The following NELL2 variants were observed in gnomAD, a reference collection of about 807,000 sequenced individuals.
The protein encoded by NELL2 is neural EGFL like 2, also known as protein kinase C-binding protein NELL2.
NELL2 carries 41 observed loss-of-function variants against 109.6 expected under a neutral mutation model. That is an observed-to-expected ratio of 0.37 (90% CI 0.29 to 0.49). The LOEUF (loss-of-function observed/expected upper bound fraction) is 0.49. NELL2 is among the 20% of genes least tolerant of loss of function. The probability of loss-of-function intolerance (pLI) is 0.98; values close to 1 mark genes in which losing one functional copy is unlikely to be tolerated. For missense variants in NELL2, 900 were observed against 1,008.3 expected, an observed-to-expected ratio of 0.89 and a Z score of 1.45; for synonymous variants, 355 against 344.7, an observed-to-expected ratio of 1.03 and a Z score of -0.33.
At chr12:44,741,627 G>C (rs1939970517) in intron 9 of NELL2, among the ~76,000 whole-genome samples, 1 of 152,206 alleles carries the variant, frequency 6.6e-6, no homozygotes, top group Non-Finnish European at 1.5e-5. Context: ...TTTCCAACAG[G>C]CTTAAAAAAT....
At chr12:44,902,099 G>A (rs1023857478) in intron 1 of NELL2, among the ~76,000 whole-genome samples, 2 of 152,172 alleles carry the variant, frequency 1.3e-5, no homozygotes, top group Non-Finnish European at 2.9e-5. Context: ...TAGGAAGACA[G>A]GAAGTCAAAT....
intron 12 of NELL2, among the ~76,000 whole-genome samples, chr12:44,702,901 G>C (rs61932408): frequency 6.6e-6 from 1 of 152,170 alleles, no homozygotes; most frequent in South Asian, 2.1e-4. Flanking sequence ...GAAGCTGTGT[G>C]TTTATACCTG....
At chr12:44,737,121 A>T (rs1001841895) in intron 9 of NELL2, among the ~76,000 whole-genome samples, 1 of 152,076 alleles carries the variant, frequency 6.6e-6, no homozygotes, top group Non-Finnish European at 1.5e-5. Context: ...ATTCAAAATA[A>T]ATACCACATA....
chr12:44,607,317 A>G (rs1165841573), intron 14 of NELL2, 53 bp from the exon 15 acceptor site: 26 of 1,414,514 alleles, frequency 1.8e-5, no homozygotes, highest in Non-Finnish European at 2.4e-5. Flanking sequence ...GTAGTTTAAT[A>G]AACTCCAAAC....
intron 3 of NELL2, among the ~76,000 whole-genome samples, chr12:44,791,470 G>C (rs2136631428): frequency 6.6e-6 from 1 of 151,464 alleles, no homozygotes; most frequent in East Asian, 2.0e-4. Context: ...TATAAATAGA[G>C]TACAGTGTAT....
chr12:44,718,006 T>A lies in NELL2; in HGVS notation c.995-3265A>T, dbSNP rs556091584. Among the ~76,000 whole-genome samples the A allele has an allele frequency of 8.5e-5, 13 of 152,212 alleles. 1 individual carries two copies. The South Asian group carries it at 2.7e-3, about 32-fold the overall frequency. ...TAATTCACTATAAGCCATTAAGAGG[T>A]CTAGTTTACCAGGATAGCTTGCTCA... On this transcript the variant is annotated intron_variant, in intron 9 of 19. Coordinates refer to ENST00000429094, the MANE Select transcript of NELL2 (RefSeq NM_001145108.2).
chr12:44,793,565 A>G (rs576515123), intron 3 of NELL2, among the ~76,000 whole-genome samples: 157 of 152,320 alleles, frequency 1.0e-3, no homozygotes, highest in Non-Finnish European at 2.0e-3. Context: ...GCCTTTAGTA[A>G]CAGTGATGGT....
chr12:44,736,251 C>T lies in NELL2; in HGVS notation c.995-21510G>A, dbSNP rs1043233535. On this transcript the variant is annotated intron_variant, in intron 9 of 19. Transcript: ENST00000429094. ...GTCTCAATCTCCTGACCTCGTGATC[C>T]GCCCGTCTCGGCCTCCCAAAGTGCT... Among the ~76,000 whole-genome samples, 22 of 151,852 alleles carry T rather than the reference C, an allele frequency of 1.4e-4. No homozygotes were observed. The East Asian group carries it at 1.6e-3, about 11-fold the overall frequency.
At chr12:44,629,132 A>G (rs556853413) in intron 13 of NELL2, among the ~76,000 whole-genome samples, 1 of 152,316 alleles carries the variant, frequency 6.6e-6, no homozygotes, top group South Asian at 2.1e-4. Context: ...TATGGGTGAG[A>G]ATCATTTCAA....
intron 9 of NELL2, among the ~76,000 whole-genome samples, chr12:44,718,724 A>G (rs1420092906): frequency 6.6e-6 from 1 of 152,232 alleles, no homozygotes; most frequent in Non-Finnish European, 1.5e-5. Context: ...ATTTATTCAT[A>G]CAGGCTTATC....
At chr12:44,603,714 T>A (rs189776908) in intron 15 of NELL2, among the ~76,000 whole-genome samples, 1 of 152,226 alleles carries the variant, frequency 6.6e-6, no homozygotes, top group African/African-American at 2.4e-5. Context: ...ATCATACACA[T>A]CGCCCTTTTG....
At chr12:44,898,412 G>A (rs903756845) in intron 1 of NELL2, among the ~76,000 whole-genome samples, 1 of 152,176 alleles carries the variant, frequency 6.6e-6, no homozygotes, top group Non-Finnish European at 1.5e-5. Context: ...GGAAGGAGCA[G>A]GCAGCAAACT....
intron 3 of NELL2, among the ~76,000 whole-genome samples, chr12:44,781,415 C>T (rs1272765675): frequency 6.6e-6 from 1 of 151,882 alleles, no homozygotes; most frequent in African/African-American, 2.4e-5. Flanking sequence ...AAAGATCTAA[C>T]ATTTGTATCA....
intron 12 of NELL2, among the ~76,000 whole-genome samples, chr12:44,673,747 T>G (rs1029194088): frequency 1.8e-4 from 27 of 152,206 alleles, no homozygotes; most frequent in African/African-American, 6.5e-4. Context: ...CCTTCTATAT[T>G]TGAAGCCAGC....
chr12:44,695,866 C>T (rs1040585276), intron 12 of NELL2, among the ~76,000 whole-genome samples: 1 of 151,978 alleles, frequency 6.6e-6, no homozygotes, highest in East Asian at 1.9e-4. Context: ...TGCCTGTAGG[C>T]CCAGCTACTT....
rs548071609 is a variant in NELL2, at chr12:44,686,982, G to T, written c.1318+16744C>A. On this transcript the variant is annotated intron_variant, in intron 12 of 19. Transcript: ENST00000429094. Reference sequence around the variant, plus strand: ...CCTGCTGCTTTGTTTACCTAAGCAAGCCTGGGCAATGGTGGGCGCCCCTCC... The same window carrying T: ...CCTGCTGCTTTGTTTACCTAAGCAATCCTGGGCAATGGTGGGCGCCCCTCC... 2.3e-3 allele frequency among the ~76,000 whole-genome samples: 354 copies of T among 152,288 alleles called. 1 individual carries two copies. Among genetic ancestry groups the T allele is most frequent in the African/African-American group, 8.2e-3 (341 of 41,566 alleles).
At chr12:44,683,274 C>A (rs1236652937) in intron 12 of NELL2, among the ~76,000 whole-genome samples, 1 of 151,880 alleles carries the variant, frequency 6.6e-6, no homozygotes, top group Non-Finnish European at 1.5e-5. Context: ...GATTTTGTAT[C>A]CTGAGACTTT....
At chr12:44,777,463 A>G (rs573128635) in intron 5 of NELL2, 149 bp from the exon 6 acceptor site, 19 of 636,932 alleles carry the variant, frequency 3.0e-5, no homozygotes, top group Middle Eastern at 4.3e-4. Context: ...TTTCCACTTC[A>G]TACCAAAGGG....
At position 44,868,349 on chromosome 12, in the gene NELL2, T is replaced by G. The variant is rs139217654; in HGVS notation, c.184+6876A>C. 1.2e-4 allele frequency among the ~76,000 whole-genome samples: 18 copies of G among 152,226 alleles called. No homozygotes were observed. The East Asian group carries it at 3.3e-3, about 28-fold the overall frequency. ...TTCAAAGAATTAATATTGTTAAAAT[T>G]TCCACACTATCCAAAATGATCTACA... On this transcript the variant is annotated intron_variant, in intron 2 of 19. Coordinates refer to ENST00000429094, the MANE Select transcript of NELL2 (RefSeq NM_001145108.2).
Sources: allele counts gnomAD v4.1 joint callset (sites outside exome capture counted in the v4.1 genomes callset), GRCh38; gene constraint gnomAD v4.1.1; transcripts MANE v1.5; gene names NCBI Gene and HGNC (gene_info 2026-07-23, HGNC 2026-07-21).